The following CETN3 variants were observed in gnomAD, a reference collection of about 807,000 sequenced individuals.
CETN3 encodes centrin 3, also known as centrin-3.
In CETN3, 17 loss-of-function variants were observed where a neutral mutation model predicts 20.1. The observed-to-expected ratio is 0.85, with a 90% CI of 0.58 to 1.27. The LOEUF (loss-of-function observed/expected upper bound fraction) is 1.27, where lower values mean the gene tolerates loss of function less well. CETN3 is among the 50% of genes most tolerant of loss of function. CETN3 has a pLI of 0.00. For missense variants in CETN3, 169 were observed against 191.2 expected (o/e 0.88, Z 0.69); for synonymous variants, 52 against 59.7 (o/e 0.87, Z 0.59).
intron 3 of CETN3, among the ~76,000 whole-genome samples, chr5:90,401,452 CTG>C (rs1327746792): frequency 2.0e-5 from 3 of 152,120 alleles, no homozygotes; most frequent in Non-Finnish European, 4.4e-5. Context: ...GTCCATGCAA[CTG>C]TATTTTCAAA....
intron 3 of CETN3, 170 bp downstream of exon 3, chr5:90,405,515 A>AT: frequency 5.3e-6 from 3 of 566,742 alleles, no homozygotes; most frequent in Non-Finnish European, 9.2e-6. Flanking sequence ...GCAAAGCCAT[A>AT]TTTTTTCTTT....
intron 4 of CETN3, chr5:90,398,912 C>T (rs1013878104): frequency 2.7e-4 from 61 of 230,024 alleles, no homozygotes; most frequent in African/African-American, 1.3e-3. Context: ...CCAGTCAACA[C>T]GCAGGACACT....
At position 90,409,670 on chromosome 5, in the gene CETN3, C is replaced by G. The variant is rs1243644770; in HGVS notation, c.-9G>C. 1.9e-6 allele frequency: 3 copies of G among 1,614,042 alleles called. No individual in the cohort carries two copies. In the African/African-American group the frequency reaches 4.0e-5, roughly 22 times the overall value. ...CTCAGAGCTAAACTCATTATCTCTTCGCACAGAGACGTTCCTCTCAAGAAC... is the reference window on the plus strand; with the variant it reads ...CTCAGAGCTAAACTCATTATCTCTTGGCACAGAGACGTTCCTCTCAAGAAC... On this transcript the variant is annotated 5_prime_UTR_variant, in exon 1 of 5. Coordinates refer to ENST00000283122, the MANE Select transcript of CETN3 (RefSeq NM_004365.4).
chr5:90,398,409 A>G (rs1749186912), intron 4 of CETN3, among the ~76,000 whole-genome samples: 2 of 152,192 alleles, frequency 1.3e-5, no homozygotes, highest in Non-Finnish European at 2.9e-5. Flanking sequence ...CCTTCAATGG[A>G]AGTCTCATGA....
At chr5:90,394,484 C>A (rs1334158048) in intron 4 of CETN3, among the ~76,000 whole-genome samples, 2 of 151,870 alleles carry the variant, frequency 1.3e-5, no homozygotes, top group Non-Finnish European at 2.9e-5. Flanking sequence ...TCTACTAGTT[C>A]ATTTAGCAAA....
chr5:90,395,880 T>C, intron 4 of CETN3: 2 of 897,134 alleles, frequency 2.2e-6, no homozygotes, highest in Non-Finnish European at 2.7e-6. Context: ...GAAAAGAATA[T>C]ATACTGCACT....
intron 2 of CETN3, among the ~76,000 whole-genome samples, chr5:90,407,359 G>A (rs980211808): frequency 2.0e-5 from 3 of 151,736 alleles, no homozygotes; most frequent in African/African-American, 7.3e-5. Flanking sequence ...GAGTCACCAA[G>A]AAACAAAAAC....
intron 3 of CETN3, among the ~76,000 whole-genome samples, chr5:90,403,416 C>G (rs543769426): frequency 1.3e-5 from 2 of 152,224 alleles, no homozygotes; most frequent in African/African-American, 4.8e-5. Context: ...ACATGTTGAC[C>G]CTGTCAAAAG....
At chr5:90,399,084 T>C (rs929571649) in intron 4 of CETN3, 8 of 564,122 alleles carry the variant, frequency 1.4e-5, no homozygotes, top group Non-Finnish European at 2.2e-5. Flanking sequence ...GCATGTAGGT[T>C]GAGGGAGAAG....
intron 3 of CETN3, among the ~76,000 whole-genome samples, chr5:90,401,381 G>A (rs1315313336): frequency 1.3e-5 from 2 of 152,082 alleles, no homozygotes; most frequent in African/African-American, 2.4e-5. Flanking sequence ...GAAAATATTA[G>A]TAAACTGATA....
intron 4 of CETN3, chr5:90,398,956 AG>A (rs1179809596): frequency 6.9e-6 from 2 of 289,524 alleles, no homozygotes; most frequent in Non-Finnish European, 1.3e-5. Context: ...AGAATAAATG[AG>A]GCCATTATAA....
chr5:90,395,994 T>C, intron 4 of CETN3: 1 of 893,114 alleles, frequency 1.1e-6, no homozygotes, highest in Non-Finnish European at 1.3e-6. Flanking sequence ...TATTTATTAT[T>C]AAAACAAAGA....
chr5:90,399,538 T>C lies in CETN3; in HGVS notation c.280A>G (p.Ile94Val). 1 of 1,611,282 alleles carries C rather than the reference T, an allele frequency of 6.2e-7. No individual in the cohort carries two copies. Among genetic ancestry groups the C allele is most frequent in the Admixed American group, 1.7e-5 (1 of 60,004 alleles). The change falls in exon 4 of 5, where the codon ATA becomes GTA. Residue 94 changes from isoleucine to valine, a missense_variant. Ile to Val is a conservative substitution (Grantham distance 29). Transcript: ENST00000283122. ...EDFNEVVTDW[I>V]LERDPHEEIL... ...TCTTCATGGGGATCTCTTTCCAATA[T>C]CCAGTCTGTCACTACAGTTTAAAAA...
rs1011111403 is a variant in CETN3 at position 90,393,314 on chromosome 5, T to G, written c.*750A>C. 3.3e-5 allele frequency: 5 copies of G among 152,222 alleles called. No homozygotes were observed. The East Asian group carries it at 9.6e-4, about 29-fold the overall frequency. The allele number at this position is 152,222 out of a possible 1,614,324, so 9.4% of individuals were successfully genotyped here. A position where few individuals can be genotyped will look rare whatever the true frequency, so the allele number is the denominator to read the frequency against. ...CCTTAACAAATCAAAATTCCAAAATTTAAATCTCTCAGTCAAGAAGTTAGA... is the reference window on the plus strand; with the variant it reads ...CCTTAACAAATCAAAATTCCAAAATGTAAATCTCTCAGTCAAGAAGTTAGA... On this transcript the variant is annotated 3_prime_UTR_variant, in exon 5 of 5. Transcript: ENST00000283122.
At chr5:90,405,160 T>C (rs1435452367) in intron 3 of CETN3, among the ~76,000 whole-genome samples, 1 of 152,162 alleles carries the variant, frequency 6.6e-6, no homozygotes, top group Non-Finnish European at 1.5e-5. Context: ...CTTTATCCAC[T>C]GAGATCAAGG....
Position 90,399,517 on chromosome 5 carries a change from C to A in CETN3, c.301G>T (p.Glu101Ter), listed in dbSNP as rs1749226951. Residue 101 changes from glutamate (E) to a stop codon, truncating the protein, a stop_gained, in exon 4 of 5, where the codon GAA (glutamate) becomes TAA (stop). Transcript: ENST00000283122. LOFTEE classifies it high-confidence loss of function. Reference protein sequence around the residue: ...TDWILERDPHEEILKAFKLFD... With the variant: ...TDWILERDPH ...AGTTTAAATGCCTTGAGTATTTCTT[C>A]ATGGGGATCTCTTTCCAATATCCAG... The A allele has an allele frequency of 1.2e-6, 2 of 1,613,422 alleles. No homozygotes were observed. Among genetic ancestry groups the A allele is most frequent in the African/African-American group, 2.7e-5 (2 of 75,018 alleles).
chr5:90,401,724 T>C (rs1460355202), intron 3 of CETN3, among the ~76,000 whole-genome samples: 3 of 152,136 alleles, frequency 2.0e-5, no homozygotes, highest in Non-Finnish European at 4.4e-5. Context: ...TGCAGCTGCC[T>C]CCCCTACCCC....
chr5:90,407,746 G>C lies in CETN3; in HGVS notation c.106C>G (p.Leu36Val). The change falls in exon 2 of 5, where the codon CTA becomes GTA. Residue 36 changes from leucine (L) to valine (V), a missense_variant. Leu to Val is a conservative substitution (Grantham distance 32, BLOSUM62 1). Transcript: ENST00000283122. ...QKQEIKDAFE[L>V]FDTDKDEAID... is the part of the protein sequence containing the mutation. ...GCTTCATCTTTGTCTGTATCAAATA[G>C]TTCAAAAGCATCTTTAATTTCTTGT... 1 of 1,591,864 alleles carries C rather than the reference G, an allele frequency of 6.3e-7. No homozygotes were observed. The highest frequency in any genetic ancestry group is 1.1e-5 in the South Asian group (1 of 88,842).
chr5:90,406,120 A>C (rs1447470407), intron 2 of CETN3, among the ~76,000 whole-genome samples: 1 of 152,190 alleles, frequency 6.6e-6, no homozygotes, highest in Non-Finnish European at 1.5e-5. Context: ...ATTAACAATC[A>C]AAATGAGAAA....
Sources: allele counts gnomAD v4.1 joint callset (sites outside exome capture counted in the v4.1 genomes callset), GRCh38; gene constraint gnomAD v4.1.1; transcripts MANE v1.5; gene names NCBI Gene and HGNC (gene_info 2026-07-23, HGNC 2026-07-21).